NCAM2: variants seen among roughly 807,000 people sequenced by gnomAD.
NCAM2 encodes neural cell adhesion molecule 2, also known as N-CAM-2.
A neutral mutation model predicts 98.1 loss-of-function variants in NCAM2; 30 were observed. The ratio of observed to expected loss-of-function variants is 0.31; its 90% confidence interval spans 0.23 to 0.41. The LOEUF (loss-of-function observed/expected upper bound fraction) is 0.41. NCAM2 is among the 10% of genes least tolerant of loss of function. NCAM2 has a pLI of 1.00. For synonymous variants in NCAM2, 368 were observed against 342.4 expected, an observed-to-expected ratio of 1.07 and a Z score of -0.83; for missense variants, 867 against 1,005.8, an observed-to-expected ratio of 0.86 and a Z score of 1.87.
At chr21:21,213,416 G>T (rs1444033180) in intron 1 of NCAM2, among the ~76,000 whole-genome samples, 1 of 152,120 alleles carries the variant, frequency 6.6e-6, no homozygotes, top group Non-Finnish European at 1.5e-5. Context: ...GCATAATATT[G>T]TTAAGTTATT....
At chr21:21,435,134 G>A (rs1238078039) in intron 12 of NCAM2, among the ~76,000 whole-genome samples, 1 of 152,152 alleles carries the variant, frequency 6.6e-6, no homozygotes, top group African/African-American at 2.4e-5. Flanking sequence ...TTTCTTTTAA[G>A]TGTGAATGTC....
intron 1 of NCAM2, among the ~76,000 whole-genome samples, chr21:21,129,003 C>G (rs1323660312): frequency 6.6e-6 from 1 of 152,030 alleles, no homozygotes; most frequent in Non-Finnish European, 1.5e-5. Flanking sequence ...ACAAATTTGA[C>G]AGCCAAGAAC....
At chr21:21,426,687 C>G (rs2077221085) in intron 11 of NCAM2, among the ~76,000 whole-genome samples, 1 of 152,138 alleles carries the variant, frequency 6.6e-6, no homozygotes, top group Admixed American at 6.5e-5. Flanking sequence ...AGTTCGGATG[C>G]TACTCTCATT....
chr21:21,228,970 C>A (rs1393369854), intron 1 of NCAM2, among the ~76,000 whole-genome samples: 1 of 151,246 alleles, frequency 6.6e-6, no homozygotes, highest in Non-Finnish European at 1.5e-5. Flanking sequence ...TAAATTATAT[C>A]TAGAGTTATT....
At chr21:21,434,164 A>T (rs189115858) in intron 12 of NCAM2, among the ~76,000 whole-genome samples, 1 of 152,358 alleles carries the variant, frequency 6.6e-6, no homozygotes, top group East Asian at 1.9e-4. Flanking sequence ...ATAACAAAGC[A>T]CATTCGTTAC....
chr21:21,420,050 T>G (rs1038609296), intron 11 of NCAM2, among the ~76,000 whole-genome samples: 5 of 152,000 alleles, frequency 3.3e-5, no homozygotes, highest in African/African-American at 1.2e-4. Context: ...AAAAATTAAA[T>G]TATATTTCAA....
chr21:21,212,365 A>T (rs1211765216), intron 1 of NCAM2, among the ~76,000 whole-genome samples: 1 of 152,210 alleles, frequency 6.6e-6, no homozygotes, highest in Non-Finnish European at 1.5e-5. Flanking sequence ...TGAAGAACAG[A>T]TTATTGATTG....
intron 1 of NCAM2, among the ~76,000 whole-genome samples, chr21:21,162,713 T>G (rs1239625796): frequency 6.6e-6 from 1 of 152,112 alleles, no homozygotes; most frequent in African/African-American, 2.4e-5. Flanking sequence ...AAAAAGAAGT[T>G]CTTGGTGATG....
At chr21:21,364,786 A>T (rs936037824) in intron 8 of NCAM2, among the ~76,000 whole-genome samples, 2 of 152,124 alleles carry the variant, frequency 1.3e-5, no homozygotes, top group Non-Finnish European at 2.9e-5. Context: ...ATTGGTGACA[A>T]AATGTGGTCA....
At chr21:21,477,207 G>C in intron 14 of NCAM2, 84 bp from the exon 15 acceptor site, 3 of 1,070,090 alleles carry the variant, frequency 2.8e-6, no homozygotes, top group Non-Finnish European at 3.9e-6. Context: ...TAAGTATATT[G>C]TTCCAATTCC....
chr21:21,388,366 G>A lies in NCAM2; in HGVS notation c.1195+14353G>A, dbSNP rs183845870. 1.8e-3 allele frequency among the ~76,000 whole-genome samples: 278 copies of A among 152,238 alleles called. 2 individuals are homozygous for A. Among genetic ancestry groups the A allele is most frequent in the African/African-American group, 6.5e-3 (271 of 41,550 alleles). On this transcript the variant is annotated intron_variant, in intron 9 of 17. Transcript: ENST00000400546. ...AGATAAAGAAAATATGGTAAGAGAG[G>A]GACCTGCTGCAAATGTAGGAAAAGT...
intron 15 of NCAM2, among the ~76,000 whole-genome samples, chr21:21,484,223 T>C (rs1291940606): frequency 6.6e-6 from 1 of 152,194 alleles, no homozygotes; most frequent in Non-Finnish European, 1.5e-5. Flanking sequence ...TATGTGACAA[T>C]ACATAGAAAT....
At chr21:21,322,786 A>C (rs1329409083) in intron 5 of NCAM2, among the ~76,000 whole-genome samples, 2 of 152,202 alleles carry the variant, frequency 1.3e-5, no homozygotes, top group Non-Finnish European at 2.9e-5. Context: ...CAGAAAACAT[A>C]TGAAATTGCT....
chr21:21,206,030 C>A (rs530669076), intron 1 of NCAM2, among the ~76,000 whole-genome samples: 1 of 152,182 alleles, frequency 6.6e-6, no homozygotes, highest in South Asian at 2.1e-4. Flanking sequence ...GGGACCCAAA[C>A]ATTCAGATTG....
At chr21:21,400,273 C>G (rs2076600164) in intron 9 of NCAM2, among the ~76,000 whole-genome samples, 1 of 152,136 alleles carries the variant, frequency 6.6e-6, no homozygotes, top group African/African-American at 2.4e-5. Flanking sequence ...AATAAATGTT[C>G]TAGGTCAGAC....
chr21:21,222,735 T>A (rs2070221072), intron 1 of NCAM2, among the ~76,000 whole-genome samples: 1 of 152,182 alleles, frequency 6.6e-6, no homozygotes, highest in African/African-American at 2.4e-5. Context: ...ATGAACATTG[T>A]TGAAATGTGG....
intron 16 of NCAM2, among the ~76,000 whole-genome samples, chr21:21,518,477 G>A (rs974237797): frequency 6.6e-6 from 1 of 151,854 alleles, no homozygotes; most frequent in Non-Finnish European, 1.5e-5. Context: ...TGCTTTCTTC[G>A]TCATTGCCTT....
intron 1 of NCAM2, among the ~76,000 whole-genome samples, chr21:21,111,512 C>T (rs1050524789): frequency 6.6e-6 from 1 of 152,052 alleles, no homozygotes; most frequent in African/African-American, 2.4e-5. Context: ...ACCAAGAGGG[C>T]AGGGCTCCAG....
chr21:21,187,755 T>C (rs1163317123), intron 1 of NCAM2, among the ~76,000 whole-genome samples: 1 of 152,188 alleles, frequency 6.6e-6, no homozygotes, highest in African/African-American at 2.4e-5. Flanking sequence ...TGTTATGCCT[T>C]GGGTATTCAT....
Sources: allele counts gnomAD v4.1 joint callset (sites outside exome capture counted in the v4.1 genomes callset), GRCh38; gene constraint gnomAD v4.1.1; transcripts MANE v1.5; gene names NCBI Gene and HGNC (gene_info 2026-07-23, HGNC 2026-07-21).